PCDHA4: variants seen among roughly 807,000 people sequenced by gnomAD.
PCDHA4 encodes protocadherin alpha-4.
In PCDHA4, 49 loss-of-function variants were observed where a neutral mutation model predicts 61.4. That is an observed-to-expected ratio of 0.80 (90% CI 0.63 to 1.01). The LOEUF (loss-of-function observed/expected upper bound fraction) is 1.01. Ranked by LOEUF, PCDHA4 falls within the 50% of genes least tolerant of loss-of-function variation. The pLI is 0.00. For synonymous variants in PCDHA4, 590 were observed against 550.3 expected (o/e 1.07, Z -1.01); for missense variants, 1,254 against 1,235.8 (o/e 1.01, Z -0.22).
chr5:140,809,598 A>C, intron 1 of PCDHA4, 26 bp downstream of exon 1: 1 of 1,531,486 alleles, frequency 6.5e-7, no homozygotes, highest in Non-Finnish European at 8.8e-7. Context: ...CCTTTTGTTT[A>C]ATTTTCGTAT....
rs782610584 is a variant in PCDHA4 at position 140,883,582 on chromosome 5, G to C, written c.2385+74010G>C. 38 of 1,613,902 alleles carry C rather than the reference G, an allele frequency of 2.4e-5. No homozygotes were observed. The African/African-American group carries it at 3.7e-4, about 16-fold the overall frequency. ...GGGGCTCGCCTTCGCTGTGGGCCAC[G>C]GCCAGCGTGTCGGTGGGGGTGGCCG... is the stretch of plus-strand genomic sequence containing the variant. On this transcript the variant is annotated intron_variant, in intron 1 of 3. Transcript: ENST00000530339.
intron 1 of PCDHA4, chr5:140,836,034 C>T (rs2150251193): frequency 1.2e-6 from 2 of 1,613,480 alleles, no homozygotes; most frequent in Non-Finnish European, 1.7e-6. Context: ...CAACGTGACG[C>T]TGCAGGTGTT....
At chr5:140,863,248 G>A (rs782700291) in intron 1 of PCDHA4, 2 of 1,396,062 alleles carry the variant, frequency 1.4e-6, no homozygotes, top group Non-Finnish European at 9.8e-7. Flanking sequence ...TTTGGCGGGC[G>A]TCGAGGTCCG....
At chr5:140,978,914 C>T (rs2096828574) in intron 1 of PCDHA4, 35 bp from the exon 2 acceptor site, 5 of 1,613,852 alleles carry the variant, frequency 3.1e-6, no homozygotes, top group Non-Finnish European at 3.4e-6. Flanking sequence ...ATTGTCTTGT[C>T]ATTTTAACAG....
Position 140,862,324 on chromosome 5 carries a change from T to C in PCDHA4, c.2385+52752T>C, listed in dbSNP as rs536000037. On this transcript the variant is annotated intron_variant, in intron 1 of 3. Coordinates refer to ENST00000530339, the MANE Select transcript of PCDHA4 (RefSeq NM_018907.4). ...TGGGTACCGTCATAGCCCTAATCAGTGTAATTGACCCTAACTTCAGTGCCA... is the reference window on the plus strand; with the variant it reads ...TGGGTACCGTCATAGCCCTAATCAGCGTAATTGACCCTAACTTCAGTGCCA... 7 of 322,970 alleles carry C rather than the reference T, an allele frequency of 2.2e-5. No individual in the cohort carries two copies. In the East Asian group the frequency reaches 4.7e-4, roughly 22 times the overall value. 20.0% of individuals were successfully genotyped at this position (322,970 alleles called of 1,614,324 possible). A position where few individuals can be genotyped will look rare whatever the true frequency, so the allele number is the denominator to read the frequency against.
rs782325875 is a variant in PCDHA4, at chr5:140,979,026, A to T, written c.2444+19A>T. The T allele has an allele frequency of 6.2e-7, 1 of 1,613,490 alleles. No homozygotes were observed. The highest frequency in any genetic ancestry group is 1.1e-5 in the South Asian group (1 of 90,898). On this transcript the variant is annotated intron_variant, in intron 2 of 3. Transcript: ENST00000530339. ...TGCACAGGTATGTATTTCCCTCCTC[A>T]TTCACTCAGAAGTAACCTTAACTTG...
Position 140,837,010 on chromosome 5 carries a change from C to T in PCDHA4, c.2385+27438C>T, listed in dbSNP as rs1188218220. On this transcript the variant is annotated intron_variant, in intron 1 of 3. Coordinates refer to ENST00000530339, the MANE Select transcript of PCDHA4 (RefSeq NM_018907.4). Reference sequence around the variant, plus strand: ...ACTTTGCTAACTGGAGCAATGGATTCACCTTTCTTCTATAGTGTATTTACA... The same window carrying T: ...ACTTTGCTAACTGGAGCAATGGATTTACCTTTCTTCTATAGTGTATTTACA... 4 of 308,042 alleles carry T rather than the reference C, an allele frequency of 1.3e-5. 1 individual carries two copies. Among genetic ancestry groups the T allele is most frequent in the African/African-American group, 8.8e-5 (4 of 45,630 alleles). 19.1% of individuals were successfully genotyped at this position (308,042 alleles called of 1,614,324 possible).
chr5:140,902,415 G>C (rs887303649), intron 1 of PCDHA4, among the ~76,000 whole-genome samples: 24 of 152,178 alleles, frequency 1.6e-4, no homozygotes, highest in Admixed American at 1.3e-3. Flanking sequence ...TTGAATAACA[G>C]TGGTGAAAGT....
At chr5:140,917,324 C>CGGGGGGGGG (rs1299895515) in intron 1 of PCDHA4, among the ~76,000 whole-genome samples, 1 of 76,048 alleles carries the variant, frequency 1.3e-5, no homozygotes, top group Non-Finnish European at 2.9e-5. Context: ...GTTCATGTGG[C>CGGGGGGGGG]GGGGGAGGGG....
chr5:140,996,659 T>C (rs2097736809), intron 3 of PCDHA4, among the ~76,000 whole-genome samples: 1 of 152,230 alleles, frequency 6.6e-6, no homozygotes, highest in Non-Finnish European at 1.5e-5. Context: ...GGGTGCAGGC[T>C]AGTTTTTGAA....
intron 1 of PCDHA4, chr5:140,830,029 G>T (rs2150179968): frequency 8.7e-6 from 14 of 1,613,908 alleles, no homozygotes; most frequent in Admixed American, 8.3e-5. Flanking sequence ...CGCGCCACCG[G>T]CTGCTGGTGC....
chr5:140,836,303 G>T (rs2150257246), intron 1 of PCDHA4: 3 of 1,613,706 alleles, frequency 1.9e-6, no homozygotes, highest in East Asian at 4.5e-5. Flanking sequence ...TAGATGAGAC[G>T]GACGCACCGC....
At chr5:140,870,001 G>A (rs782788057) in intron 1 of PCDHA4, 1 of 1,613,566 alleles carries the variant, frequency 6.2e-7, no homozygotes, top group Non-Finnish European at 8.5e-7. Flanking sequence ...AAATAATGGA[G>A]AAGTGAGGGT....
chr5:140,903,760 C>T (rs1252310927), intron 1 of PCDHA4, among the ~76,000 whole-genome samples: 2 of 152,108 alleles, frequency 1.3e-5, no homozygotes, highest in Non-Finnish European at 2.9e-5. Flanking sequence ...TTGATTTTTG[C>T]TGAACTTTTC....
chr5:140,863,075 C>T (rs546237964), intron 1 of PCDHA4: 87 of 569,532 alleles, frequency 1.5e-4, no homozygotes, highest in South Asian at 9.6e-4. Flanking sequence ...GGGCTCTGCA[C>T]GGGCGAGATC....
chr5:140,892,779 A>G (rs1490865049), intron 1 of PCDHA4, among the ~76,000 whole-genome samples: 1 of 152,192 alleles, frequency 6.6e-6, no homozygotes, highest in Non-Finnish European at 1.5e-5. Flanking sequence ...TAGCTTCTTG[A>G]AAATATGTAA....
At chr5:140,849,675 C>A (rs2150444772) in intron 1 of PCDHA4, 1 of 1,598,600 alleles carries the variant, frequency 6.3e-7, no homozygotes. Context: ...GCCCCACGTC[C>A]CCTTCAAGCT....
chr5:141,004,627 T>C lies in PCDHA4; in HGVS notation c.2534-5000T>C, dbSNP rs538896289. On this transcript the variant is annotated intron_variant, in intron 3 of 3. Transcript: ENST00000530339. ...GCCTCATGCAGAGTCCTGGTTATGG[T>C]TGAAGAAAAATTTCCATTTTGGGCT... 3.9e-5 allele frequency among the ~76,000 whole-genome samples: 6 copies of C among 152,330 alleles called. No individual in the cohort carries two copies. The East Asian group carries it at 1.2e-3, about 29-fold the overall frequency.
intron 3 of PCDHA4, among the ~76,000 whole-genome samples, chr5:141,006,417 G>A (rs1010340395): frequency 6.6e-6 from 1 of 152,030 alleles, no homozygotes; most frequent in Admixed American, 6.6e-5. Flanking sequence ...GTTTCACTGT[G>A]TTAGCCAGGA....
Sources: allele counts gnomAD v4.1 joint callset (sites outside exome capture counted in the v4.1 genomes callset), GRCh38; gene constraint gnomAD v4.1.1; transcripts MANE v1.5; gene names NCBI Gene and HGNC (gene_info 2026-07-23, HGNC 2026-07-21).